COMMD1: variants seen among roughly 807,000 people sequenced by gnomAD.
The protein encoded by COMMD1 is copper metabolism domain containing 1, also known as COMM domain-containing protein 1.
In COMMD1, 10 loss-of-function variants were observed where a neutral mutation model predicts 17.2. That is an observed-to-expected ratio of 0.58 (90% confidence interval 0.36 to 0.99). The LOEUF is 0.99. Among genes scored for constraint, COMMD1 ranks in the 50% least tolerant of loss-of-function variants. The probability of loss-of-function intolerance (pLI) is 0.01; values close to 1 mark genes in which losing one functional copy is unlikely to be tolerated. For synonymous variants in COMMD1, 97 were observed against 91.6 expected (o/e 1.06, Z -0.34); for missense variants, 270 against 231.8 (o/e 1.17, Z -1.07).
chr2:61,935,399 C>T (rs1355667810), intron 1 of COMMD1, among the ~76,000 whole-genome samples: 4 of 152,072 alleles, frequency 2.6e-5, no homozygotes, highest in Non-Finnish European at 5.9e-5. Flanking sequence ...GAGGCTGAGG[C>T]GGGTGGATCA....
intron 2 of COMMD1, among the ~76,000 whole-genome samples, chr2:62,127,859 A>G (rs1301652982): frequency 6.6e-6 from 1 of 151,950 alleles, no homozygotes; most frequent in African/African-American, 2.4e-5. Context: ...CCCCATCACT[A>G]CTAAAAATAC....
chr2:62,078,395 T>TA (rs1181288357), intron 2 of COMMD1, among the ~76,000 whole-genome samples: 3 of 135,814 alleles, frequency 2.2e-5, no homozygotes, highest in Admixed American at 1.5e-4. Flanking sequence ...CTATTAAAAA[T>TA]AAAAAAAATT....
chr2:62,052,973 G>A (rs1342449857), intron 2 of COMMD1, among the ~76,000 whole-genome samples: 1 of 152,208 alleles, frequency 6.6e-6, no homozygotes, highest in Non-Finnish European at 1.5e-5. Context: ...GGAGGCTGAA[G>A]TGGGAAGATC....
chr2:62,107,453 T>A (rs1396262682), intron 2 of COMMD1, among the ~76,000 whole-genome samples: 2 of 152,184 alleles, frequency 1.3e-5, no homozygotes, highest in East Asian at 3.8e-4. Flanking sequence ...TGGATGGCAG[T>A]GCATTCTGGG....
At chr2:62,063,868 A>AATATATATATATATAT (rs55740628) in intron 2 of COMMD1, among the ~76,000 whole-genome samples, 1,341 of 81,036 alleles carry the variant, frequency 0.017, 73 homozygotes, top group Non-Finnish European at 0.021. Flanking sequence ...GTCTCTACAA[A>AATATATATATATATAT]ATATATATAT....
chr2:61,918,703 A>C (rs1670109096), intron 1 of COMMD1: 1 of 152,190 alleles, frequency 6.6e-6, no homozygotes, highest in African/African-American at 2.4e-5. Flanking sequence ...ACCTTGCTCT[A>C]TACACAAGGT....
chr2:62,012,834 T>C (rs547694696), intron 2 of COMMD1, among the ~76,000 whole-genome samples: 3 of 152,090 alleles, frequency 2.0e-5, no homozygotes, highest in Admixed American at 6.6e-5. Context: ...TAAAAAGAAA[T>C]TAAGATGCCC....
At chr2:61,991,051 A>C (rs1007763308) in intron 1 of COMMD1, among the ~76,000 whole-genome samples, 2 of 151,846 alleles carry the variant, frequency 1.3e-5, no homozygotes, top group Non-Finnish European at 2.9e-5. Flanking sequence ...TGATTGTGCC[A>C]CTGCACTCCA....
chr2:62,080,577 G>C (rs895775636), intron 2 of COMMD1, among the ~76,000 whole-genome samples: 1 of 152,030 alleles, frequency 6.6e-6, no homozygotes, highest in African/African-American at 2.4e-5. Context: ...CACTAAATGG[G>C]ATAAAGAACT....
At chr2:62,046,632 A>G (rs920871459) in intron 2 of COMMD1, among the ~76,000 whole-genome samples, 4 of 152,220 alleles carry the variant, frequency 2.6e-5, no homozygotes, top group Non-Finnish European at 5.9e-5. Flanking sequence ...TGCCTACTAT[A>G]TTGTCTTGAT....
upstream of COMMD1, among the ~76,000 whole-genome samples, chr2:61,904,572 C>T (rs1669726828): frequency 6.6e-6 from 1 of 152,198 alleles, no homozygotes; most frequent in African/African-American, 2.4e-5. Context: ...AAGATGCAGA[C>T]ATCTGGCTAC....
intron 1 of COMMD1, among the ~76,000 whole-genome samples, chr2:61,892,408 G>A (rs1669454165): frequency 6.6e-6 from 1 of 151,982 alleles, no homozygotes; most frequent in Non-Finnish European, 1.5e-5. Flanking sequence ...AAGAAGAGAG[G>A]AGGGGCCAGG....
intron 2 of COMMD1, among the ~76,000 whole-genome samples, chr2:62,092,351 C>T (rs886611755): frequency 2.6e-5 from 4 of 152,272 alleles, no homozygotes; most frequent in East Asian, 1.9e-4. Flanking sequence ...CCTGGTCCAG[C>T]GTCTCTGGAA....
chr2:61,991,076 G>A (rs1218168837), intron 1 of COMMD1, among the ~76,000 whole-genome samples: 2 of 151,644 alleles, frequency 1.3e-5, no homozygotes, highest in Non-Finnish European at 2.9e-5. Context: ...GGTGAGAGAG[G>A]AAGATCCTGT....
At chr2:61,925,395 G>GGGGAGTTTGA (rs1670305016) in intron 1 of COMMD1, among the ~76,000 whole-genome samples, 1 of 151,948 alleles carries the variant, frequency 6.6e-6, no homozygotes, top group South Asian at 2.1e-4. Flanking sequence ...ATATTGGGGA[G>GGGGAGTTTGA]GGGAGTTTGA....
chr2:62,064,294 T>G (rs965303848), intron 2 of COMMD1, among the ~76,000 whole-genome samples: 5 of 151,966 alleles, frequency 3.3e-5, no homozygotes, highest in Non-Finnish European at 7.4e-5. Flanking sequence ...CTGCTTCAGC[T>G]TCCCAAGTAG....
intron 2 of COMMD1, among the ~76,000 whole-genome samples, chr2:62,058,386 TC>T (rs1483947559): frequency 6.6e-6 from 1 of 152,214 alleles, no homozygotes; most frequent in African/African-American, 2.4e-5. Context: ...CAAATTTTCT[TC>T]GTTTTGTTTT....
At chr2:62,132,694 C>G (rs1476527663) in intron 2 of COMMD1, among the ~76,000 whole-genome samples, 1 of 151,972 alleles carries the variant, frequency 6.6e-6, no homozygotes, top group African/African-American at 2.4e-5. Context: ...AAAAAAAATA[C>G]AAAAATTAGC....
At chr2:61,995,269 C>T (rs1668724201) in intron 1 of COMMD1, among the ~76,000 whole-genome samples, 1 of 152,136 alleles carries the variant, frequency 6.6e-6, no homozygotes, top group African/African-American at 2.4e-5. Flanking sequence ...TTCTAAACCA[C>T]ACGTTGCATC....
Sources: allele counts gnomAD v4.1 joint callset (sites outside exome capture counted in the v4.1 genomes callset), GRCh38; gene constraint gnomAD v4.1.1; transcripts MANE v1.5; gene names NCBI Gene and HGNC (gene_info 2026-07-23, HGNC 2026-07-21).